The following MYH10 variants were observed in gnomAD, a reference collection of about 807,000 sequenced individuals.
MYH10 encodes myosin-10.
MYH10 carries 55 observed loss-of-function variants against 257.8 expected under a neutral mutation model. The ratio of observed to expected loss-of-function variants is 0.21; its 90% CI spans 0.17 to 0.27. MYH10 has a LOEUF of 0.27. Among genes scored for constraint, MYH10 ranks in the 10% least tolerant of loss-of-function variants. The pLI, the probability that MYH10 is intolerant of heterozygous loss-of-function variation, is 1.00. For synonymous variants in MYH10, 854 were observed against 921.7 expected, an observed-to-expected ratio of 0.93 and a Z score of 1.33; for missense variants, 1,631 against 2,500.6, an observed-to-expected ratio of 0.65 and a Z score of 7.42.
Position 8,506,297 on chromosome 17 carries a change from C to T in MYH10, c.3386+21G>A, listed in dbSNP as rs375081037. The stretch of plus-strand genomic sequence containing the variant: ...CTCAGCCCCATGGGCTCCCGTGCAG[C>T]GCAGCTGCTGGGCTGCAGACCTGGC... On this transcript the variant is annotated intron_variant, in intron 27 of 42. Coordinates refer to ENST00000360416, the MANE Select transcript of MYH10 (RefSeq NM_001256012.3). This position sits in a 1 kb window ranked among gnomAD's most constrained non-coding sequence, Gnocchi z 5.0. 1.5e-5 allele frequency: 23 copies of T among 1,564,850 alleles called. No homozygotes were observed. In the East Asian group the frequency reaches 1.6e-4, roughly 11 times the overall value.
intron 16 of MYH10, among the ~76,000 whole-genome samples, chr17:8,531,042 A>G (rs970391947): frequency 7.2e-5 from 11 of 152,198 alleles, no homozygotes; most frequent in African/African-American, 2.7e-4. Context: ...AGCTTAGGGC[A>G]TGACTGCAGT....
At chr17:8,514,016 A>G (rs1047418989) in intron 21 of MYH10, 122 bp from the exon 22 acceptor site, 4 of 868,712 alleles carry the variant, frequency 4.6e-6, no homozygotes, top group Middle Eastern at 3.3e-4. Context: ...GATTGCATCA[A>G]TCAAGTCCTG....
At chr17:8,610,823 T>C (rs4128515) in intron 2 of MYH10, among the ~76,000 whole-genome samples, 37,913 of 152,172 alleles carry the variant, frequency 0.25, 5,540 homozygotes, top group Admixed American at 0.36. Flanking sequence ...TTATAAATCA[T>C]ACAATCTGTG....
chr17:8,534,354 G>A (rs1324496245), intron 16 of MYH10, among the ~76,000 whole-genome samples: 4 of 152,134 alleles, frequency 2.6e-5, no homozygotes, highest in Non-Finnish European at 5.9e-5. Flanking sequence ...CTGCTCCCAG[G>A]ACGCATGCGT....
At chr17:8,485,863 C>T (rs1352734310) in intron 36 of MYH10, among the ~76,000 whole-genome samples, 1 of 152,122 alleles carries the variant, frequency 6.6e-6, no homozygotes, top group Non-Finnish European at 1.5e-5. Context: ...CATGTCCACA[C>T]AAATGCATAT....
chr17:8,611,739 G>C (rs2085046597), intron 2 of MYH10, among the ~76,000 whole-genome samples: 1 of 152,202 alleles, frequency 6.6e-6, no homozygotes, highest in Admixed American at 6.5e-5. Flanking sequence ...TAAAAATGTA[G>C]AGGAATGTGA....
At chr17:8,534,061 G>A (rs4791721) in intron 16 of MYH10, among the ~76,000 whole-genome samples, 64,088 of 151,920 alleles carry the variant, frequency 0.42, 13,464 homozygotes, top group East Asian at 0.5. Flanking sequence ...TTCTGTTCTC[G>A]TCTCAGTTTC....
chr17:8,480,751 C>T, intron 38 of MYH10: 2 of 602,498 alleles, frequency 3.3e-6, no homozygotes, highest in South Asian at 3.7e-5. Context: ...CATCTCTCAC[C>T]TGGACTGCTG....
chr17:8,597,985 GT>G (rs2084444361), intron 3 of MYH10, among the ~76,000 whole-genome samples: 1 of 151,806 alleles, frequency 6.6e-6, no homozygotes. Flanking sequence ...TTAAGATTTG[GT>G]TTGTTTGTTT....
chr17:8,481,374 C>T lies in MYH10; in HGVS notation c.5212G>A (p.Glu1738Lys), dbSNP rs199665530. 130 of 1,613,992 alleles carry T rather than the reference C, an allele frequency of 8.1e-5. 3 individuals carry two copies. The Middle Eastern group carries it at 3.6e-3, about 45-fold the overall frequency. The change falls in exon 38 of 43, where the codon GAG becomes AAG. Residue 1738 changes from glutamate (E) to lysine (K), a missense_variant. Transcript: ENST00000360416. ...TCCGCCAGCTCATCTCTCTCCTGCT[C>T]GGCGTGTCGGCGGGCTCGCTCAGAT... ...ASSERARRHAEQERDELADEI... is the reference protein window; with the variant it reads ...ASSERARRHAKQERDELADEI...
At position 8,550,317 on chromosome 17, in the gene MYH10, G is replaced by A. The variant is rs530470896; in HGVS notation, c.920-1530C>T. On this transcript the variant is annotated intron_variant, in intron 9 of 42. Transcript: ENST00000360416. Reference sequence around the variant, plus strand: ...TGCCCGGCCGCCCATCTTCTGAGATGTGGGGAGCGCCTCTGCCCCGCCGCC... The same window carrying A: ...TGCCCGGCCGCCCATCTTCTGAGATATGGGGAGCGCCTCTGCCCCGCCGCC... 4.4e-3 allele frequency among the ~76,000 whole-genome samples: 663 copies of A among 152,094 alleles called. 5 individuals carry two copies. Among genetic ancestry groups the A allele is most frequent in the African/African-American group, 0.015 (642 of 41,478 alleles).
chr17:8,492,881 C>T lies in MYH10; in HGVS notation c.4353G>A (p.Lys1451=), dbSNP rs572727390. The T allele has an allele frequency of 3.1e-6, 5 of 1,614,114 alleles. No individual in the cohort carries two copies. The highest frequency in any genetic ancestry group is 1.3e-5 in the African/African-American group (1 of 75,042). Residue 1451 remains lysine (K), a synonymous_variant, in exon 33 of 43, where the codon AAG becomes AAA. Transcript: ENST00000360416. ...EKALAYDKLE[K]TKNRLQQELD... ...GCTCCTGCTGCAGGCGGTTCTTGGT[C>T]TTCTCCAGTTTGTCATACGCCAGTG...
intron 41 of MYH10, 39 bp downstream of exon 41, chr17:8,478,299 T>C: frequency 1.3e-6 from 2 of 1,552,214 alleles, no homozygotes; most frequent in Non-Finnish European, 1.8e-6. Flanking sequence ...ACCAGTTCCT[T>C]TGCTCACGCG....
At chr17:8,582,066 T>C (rs1300807383) in intron 4 of MYH10, among the ~76,000 whole-genome samples, 1 of 152,154 alleles carries the variant, frequency 6.6e-6, no homozygotes, top group African/African-American at 2.4e-5. Flanking sequence ...CCAATAGTTA[T>C]GATAATGATC....
chr17:8,583,432 A>T (rs1338180313), intron 4 of MYH10, among the ~76,000 whole-genome samples: 1 of 152,128 alleles, frequency 6.6e-6, no homozygotes. Context: ...ACAAGAGGAA[A>T]GGCATACAAA....
At chr17:8,548,098 G>A (rs1320826589) in intron 11 of MYH10, among the ~76,000 whole-genome samples, 1 of 152,010 alleles carries the variant, frequency 6.6e-6, no homozygotes, top group Non-Finnish European at 1.5e-5. Flanking sequence ...TGCATGCTAA[G>A]GCAGAGACCA....
At chr17:8,615,790 C>T (rs1450596344) in intron 2 of MYH10, among the ~76,000 whole-genome samples, 3 of 152,146 alleles carry the variant, frequency 2.0e-5, no homozygotes, top group African/African-American at 4.8e-5. Flanking sequence ...TTCAGGAATA[C>T]GAGAAAATCT....
chr17:8,616,233 T>C (rs1645579412), intron 2 of MYH10, among the ~76,000 whole-genome samples: 1 of 151,770 alleles, frequency 6.6e-6, no homozygotes, highest in South Asian at 2.1e-4. Flanking sequence ...TAGTAAGCCA[T>C]GAGTATCCCA....
Position 8,506,535 on chromosome 17 carries a change from AC to A in MYH10, c.3215-47del. ...AGCTCTTCAACACACCGAGTGACTCACCACAGGAATAAACTAAAATACAGAC... is the reference window on the plus strand; with the variant it reads ...AGCTCTTCAACACACCGAGTGACTCACACAGGAATAAACTAAAATACAGAC... On this transcript the variant is annotated intron_variant, in intron 26 of 42. Coordinates refer to ENST00000360416, the MANE Select transcript of MYH10 (RefSeq NM_001256012.3). The surrounding 1 kb of genome is among the most constrained non-coding windows in gnomAD (Gnocchi z 5.0). 1 of 1,576,042 alleles carries A rather than the reference AC, an allele frequency of 6.3e-7. No individual in the cohort carries two copies. The highest frequency in any genetic ancestry group is 8.6e-7 in the Non-Finnish European group (1 of 1,163,514).
Sources: gnomAD v4.1 joint callset for allele counts (sites outside exome capture counted in the v4.1 genomes callset) on GRCh38, gnomAD v4.1.1 for gene constraint, Gnocchi (gnomAD v3.1) non-coding constraint, MANE v1.5 for transcripts, NCBI Gene and HGNC (gene_info 2026-07-23, HGNC 2026-07-21) for gene names.